PHLPP1: variants seen among roughly 807,000 people sequenced by gnomAD.
PHLPP1 encodes PH domain and leucine rich repeat protein phosphatase 1.
A neutral mutation model predicts 117.2 loss-of-function variants in PHLPP1; 42 were observed. The observed-to-expected ratio is 0.36, with a 90% CI of 0.28 to 0.46. PHLPP1 has a LOEUF of 0.46. PHLPP1 is among the 20% of genes least tolerant of loss of function. PHLPP1 has a pLI of 1.00. For synonymous variants in PHLPP1, 1,042 were observed against 970.7 expected, an observed-to-expected ratio of 1.07 and a Z score of -1.37; for missense variants, 2,084 against 2,241.9, an observed-to-expected ratio of 0.93 and a Z score of 1.42.
chr18:62,957,335 A>AT lies in PHLPP1; in HGVS notation c.3325-1287dup, dbSNP rs201455673. On this transcript the variant is annotated intron_variant, in intron 12 of 16. Coordinates refer to ENST00000262719, the MANE Select transcript of PHLPP1 (RefSeq NM_194449.4). The stretch of plus-strand genomic sequence containing the variant: ...AATTTCTACTTACAGGTAAAACCTG[A>AT]TTTTTTTGTAACCAACATGACCCTT... Among the ~76,000 whole-genome samples the AT allele has an allele frequency of 5.9e-3, 903 of 152,158 alleles. 15 individuals are homozygous for AT. The highest frequency in any genetic ancestry group is 0.02 in the African/African-American group (823 of 41,512).
chr18:62,756,664 A>G (rs1912030749), intron 1 of PHLPP1, among the ~76,000 whole-genome samples: 1 of 152,164 alleles, frequency 6.6e-6, no homozygotes, highest in Non-Finnish European at 1.5e-5. Flanking sequence ...CAGTCTAGAG[A>G]AGAGGGGGAT....
At chr18:62,758,451 C>T (rs1041010410) in intron 1 of PHLPP1, among the ~76,000 whole-genome samples, 2 of 152,204 alleles carry the variant, frequency 1.3e-5, no homozygotes, top group Non-Finnish European at 2.9e-5. Context: ...AGTATTCTCT[C>T]CTTACTCCGT....
intron 4 of PHLPP1, among the ~76,000 whole-genome samples, chr18:62,883,717 G>A (rs1179639912): frequency 6.6e-6 from 1 of 152,020 alleles, no homozygotes; most frequent in Non-Finnish European, 1.5e-5. Flanking sequence ...AAACTCTTGA[G>A]GACAATTGTG....
At chr18:62,742,157 T>C (rs948841801) in intron 1 of PHLPP1, among the ~76,000 whole-genome samples, 1 of 152,164 alleles carries the variant, frequency 6.6e-6, no homozygotes, top group Non-Finnish European at 1.5e-5. Context: ...GCCATGACTA[T>C]CATTTCCTAA....
chr18:62,773,526 A>G (rs1218943149), intron 1 of PHLPP1, among the ~76,000 whole-genome samples: 2 of 152,126 alleles, frequency 1.3e-5, no homozygotes, highest in African/African-American at 2.4e-5. Context: ...TTCTTTATTC[A>G]TACTTCTTTG....
At chr18:62,765,297 A>G (rs1222880887) in intron 1 of PHLPP1, among the ~76,000 whole-genome samples, 1 of 152,152 alleles carries the variant, frequency 6.6e-6, no homozygotes, top group East Asian at 1.9e-4. Context: ...TCTTCTCATT[A>G]CTGTCAGAGT....
rs764366821 is a variant in PHLPP1 at position 62,958,763 on chromosome 18, A to G, written c.3455+4A>G. 137 of 1,613,810 alleles carry G rather than the reference A, an allele frequency of 8.5e-5. No individual in the cohort carries two copies. Among genetic ancestry groups the G allele is most frequent in the Admixed American group, 2.3e-4 (14 of 60,006 alleles). Reference sequence around the variant, plus strand: ...ACAAAACCCTGGAACTACTGAAGTAAGTATTCTGTAAAGCACTGTATCCCC... The same window carrying G: ...ACAAAACCCTGGAACTACTGAAGTAGGTATTCTGTAAAGCACTGTATCCCC... On this transcript the variant is annotated splice_donor_region_variant and intron_variant, in intron 13 of 16. Coordinates refer to ENST00000262719, the MANE Select transcript of PHLPP1 (RefSeq NM_194449.4).
chr18:62,889,125 C>T (rs145765191), intron 4 of PHLPP1, among the ~76,000 whole-genome samples: 4 of 152,226 alleles, frequency 2.6e-5, no homozygotes, highest in African/African-American at 9.6e-5. Flanking sequence ...TTGGTTGATA[C>T]GTTCAGATCA....
chr18:62,903,601 T>C (rs1264139338), intron 7 of PHLPP1, among the ~76,000 whole-genome samples: 1 of 151,948 alleles, frequency 6.6e-6, no homozygotes, highest in Non-Finnish European at 1.5e-5. Flanking sequence ...CTCACCTTAA[T>C]ATAAACCAGA....
At chr18:62,793,232 A>AG (rs1176810524) in intron 1 of PHLPP1, among the ~76,000 whole-genome samples, 5 of 152,162 alleles carry the variant, frequency 3.3e-5, no homozygotes, top group African/African-American at 9.7e-5. Context: ...TGTAGATTGC[A>AG]GGGGGGTGCT....
chr18:62,941,708 G>C lies in PHLPP1; in HGVS notation c.2961-10G>C. 1 of 1,605,330 alleles carries C rather than the reference G, an allele frequency of 6.2e-7. No individual in the cohort carries two copies. On this transcript the variant is annotated splice_polypyrimidine_tract_variant and intron_variant, in intron 10 of 16. Coordinates refer to ENST00000262719, the MANE Select transcript of PHLPP1 (RefSeq NM_194449.4). ...TTTCAATGGCATTTTGTTGCGTTTT[G>C]TCATTGTAGCCTGAGATTCCTGAAC...
At chr18:62,892,423 T>C (rs956641227) in intron 4 of PHLPP1, among the ~76,000 whole-genome samples, 2 of 152,038 alleles carry the variant, frequency 1.3e-5, no homozygotes, top group African/African-American at 2.4e-5. Context: ...GTGAATCTTT[T>C]AATATCTGGC....
intron 12 of PHLPP1, among the ~76,000 whole-genome samples, chr18:62,953,735 G>A (rs1479485667): frequency 1.6e-4 from 25 of 152,196 alleles, no homozygotes; most frequent in Admixed American, 1.6e-3. Context: ...AGGGAAATAT[G>A]TTATACACTA....
chr18:62,968,458 A>G (rs1425638075), intron 14 of PHLPP1, among the ~76,000 whole-genome samples: 1 of 151,524 alleles, frequency 6.6e-6, no homozygotes, highest in Non-Finnish European at 1.5e-5. Flanking sequence ...GTGTCTTTCA[A>G]GGAATTAGTC....
At chr18:62,959,915 T>TTC (rs1021672666) in intron 13 of PHLPP1, among the ~76,000 whole-genome samples, 1 of 151,950 alleles carries the variant, frequency 6.6e-6, no homozygotes, top group Non-Finnish European at 1.5e-5. Flanking sequence ...GAGACCGAGG[T>TTC]TCTCTCCATT....
chr18:62,953,540 A>G lies in PHLPP1; in HGVS notation c.3325-5089A>G, dbSNP rs116395163. Among the ~76,000 whole-genome samples, 747 of 152,300 alleles carry G rather than the reference A, an allele frequency of 4.9e-3. 4 individuals carry two copies. Among genetic ancestry groups the G allele is most frequent in the African/African-American group, 0.017 (713 of 41,568 alleles). On this transcript the variant is annotated intron_variant, in intron 12 of 16. Coordinates refer to ENST00000262719, the MANE Select transcript of PHLPP1 (RefSeq NM_194449.4). Reference sequence around the variant, plus strand: ...TGTGCATACTTCTGCCATATCGTTGATCATACCAGCTAAAGGTGTATTGTT... The same window carrying G: ...TGTGCATACTTCTGCCATATCGTTGGTCATACCAGCTAAAGGTGTATTGTT...
chr18:62,926,371 C>G (rs76911085), intron 10 of PHLPP1, among the ~76,000 whole-genome samples: 152 of 152,238 alleles, frequency 1.0e-3, no homozygotes, highest in Admixed American at 1.8e-3. Flanking sequence ...CCAGAAGCTT[C>G]CAAGTATTCC....
At chr18:62,869,167 C>T (rs926862890) in intron 4 of PHLPP1, among the ~76,000 whole-genome samples, 5 of 152,068 alleles carry the variant, frequency 3.3e-5, no homozygotes, top group Non-Finnish European at 5.9e-5. Context: ...TTCCAAATTA[C>T]CTCCCTGGGT....
intron 3 of PHLPP1, among the ~76,000 whole-genome samples, chr18:62,840,734 T>C (rs1011220751): frequency 1.3e-5 from 2 of 152,218 alleles, no homozygotes; most frequent in Non-Finnish European, 2.9e-5. Flanking sequence ...TGGAATACTT[T>C]TATAATTACA....
Sources: gnomAD v4.1 joint callset for allele counts (sites outside exome capture counted in the v4.1 genomes callset) on GRCh38, gnomAD v4.1.1 for gene constraint, MANE v1.5 for transcripts, NCBI Gene and HGNC (gene_info 2026-07-23, HGNC 2026-07-21) for gene names.